The following MBNL1 variants were observed in gnomAD, a reference collection of about 807,000 sequenced individuals.
The protein encoded by MBNL1 is muscleblind-like protein 1.
A neutral mutation model predicts 42.2 loss-of-function variants in MBNL1; 8 were observed. The ratio of observed to expected loss-of-function variants is 0.19; its 90% CI spans 0.11 to 0.34. The LOEUF (loss-of-function observed/expected upper bound fraction) is 0.34, where lower values mean the gene tolerates loss of function less well. Among genes scored for constraint, MBNL1 ranks in the 10% least tolerant of loss-of-function variants. MBNL1 has a pLI of 1.00. For missense variants in MBNL1, 309 were observed against 495.3 expected (o/e 0.62, Z 3.57); for synonymous variants, 169 against 173.9 (o/e 0.97, Z 0.22).
chr3:152,394,039 A>G (rs1579411742), intron 2 of MBNL1, among the ~76,000 whole-genome samples: 1 of 152,176 alleles, frequency 6.6e-6, no homozygotes, highest in African/African-American at 2.4e-5. Flanking sequence ...CATTCAGTTC[A>G]TCCTACATGG....
chr3:152,423,994 A>G (rs1169806889), intron 3 of MBNL1, among the ~76,000 whole-genome samples: 2 of 152,194 alleles, frequency 1.3e-5, no homozygotes, highest in East Asian at 1.9e-4. Flanking sequence ...CAAGAGCTGG[A>G]AGTATTCCCT....
chr3:152,382,021 A>G (rs1052407094), intron 2 of MBNL1, among the ~76,000 whole-genome samples: 1 of 152,094 alleles, frequency 6.6e-6, no homozygotes, highest in Non-Finnish European at 1.5e-5. Flanking sequence ...TTTAGAAACA[A>G]ACTTAGTGTA....
chr3:152,399,267 CTTCTTCTTCCTTCATCA>C (rs1223365379), intron 2 of MBNL1, among the ~76,000 whole-genome samples: 1 of 151,964 alleles, frequency 6.6e-6, no homozygotes, highest in Non-Finnish European at 1.5e-5. Context: ...CTTGCCTTGC[CTTCTTCTTCCTTCATCA>C]TTCTTCTTCC....
At chr3:152,368,227 A>G (rs985965186) in intron 2 of MBNL1, among the ~76,000 whole-genome samples, 6 of 152,146 alleles carry the variant, frequency 3.9e-5, no homozygotes, top group African/African-American at 1.4e-4. Flanking sequence ...TTTTCTGCAT[A>G]TGGCTAGCCA....
chr3:152,246,413 A>G (rs2149350310), intron 2 of MBNL1, among the ~76,000 whole-genome samples: 1 of 152,168 alleles, frequency 6.6e-6, no homozygotes, highest in Non-Finnish European at 1.5e-5. Flanking sequence ...CTAGTTCTAG[A>G]TTATGGAAAA....
intron 2 of MBNL1, among the ~76,000 whole-genome samples, chr3:152,317,746 A>T (rs1009768090): frequency 6.6e-6 from 1 of 152,170 alleles, no homozygotes; most frequent in Non-Finnish European, 1.5e-5. Flanking sequence ...AAACCCACAA[A>T]CAAATGATTC....
chr3:152,351,418 ATGT>A (rs1294924291), intron 2 of MBNL1, among the ~76,000 whole-genome samples: 1 of 152,114 alleles, frequency 6.6e-6, no homozygotes, highest in African/African-American at 2.4e-5. Flanking sequence ...AGTTAACTAA[ATGT>A]TGTCTGCCTC....
chr3:152,412,367 T>C (rs1238101702), intron 2 of MBNL1, among the ~76,000 whole-genome samples: 1 of 152,178 alleles, frequency 6.6e-6, no homozygotes, highest in Non-Finnish European at 1.5e-5. Flanking sequence ...CCTGGAATGC[T>C]TGTTAAAATG....
intron 2 of MBNL1, among the ~76,000 whole-genome samples, chr3:152,390,309 T>C (rs2097654510): frequency 6.6e-6 from 1 of 151,912 alleles, no homozygotes; most frequent in South Asian, 2.1e-4. Context: ...CAAACGTATA[T>C]GTTATTTTAG....
At chr3:152,337,972 C>T (rs546026850) in intron 2 of MBNL1, 12 of 489,242 alleles carry the variant, frequency 2.5e-5, no homozygotes, top group East Asian at 3.1e-4. Context: ...TGCTGCCTTG[C>T]GGATCAGCAC....
chr3:152,418,802 C>A (rs764447779), intron 3 of MBNL1, among the ~76,000 whole-genome samples: 5 of 150,952 alleles, frequency 3.3e-5, no homozygotes, highest in Admixed American at 3.3e-4. Flanking sequence ...CTGCAAGCTC[C>A]GCCTCCCAAG....
At chr3:152,295,639 A>G (rs1473661440) in intron 1 of MBNL1, among the ~76,000 whole-genome samples, 2 of 152,236 alleles carry the variant, frequency 1.3e-5, no homozygotes, top group African/African-American at 4.8e-5. Flanking sequence ...ACGAAGAGCT[A>G]CAAAGTACCA....
rs1166953711 is a variant in MBNL1, at chr3:152,443,172, C to CT, written c.550-2109dup. The stretch of plus-strand genomic sequence containing the variant: ...AAATTATAATAAACCAATCCTTAAC[C>CT]TGTAGAAACCCCCCCCCCCACACAC... On this transcript the variant is annotated intron_variant, in intron 4 of 9. Transcript: ENST00000324210. 3.4e-4 allele frequency among the ~76,000 whole-genome samples: 20 copies of CT among 59,098 alleles called. No homozygotes were observed. The Admixed American group carries it at 6.0e-3, about 18-fold the overall frequency. 38.8% of individuals were successfully genotyped at this position (59,098 alleles called of 152,430 possible). A position where few individuals can be genotyped will look rare whatever the true frequency, so the allele number is the denominator to read the frequency against.
At chr3:152,430,314 G>C (rs2098989785) in intron 3 of MBNL1, among the ~76,000 whole-genome samples, 1 of 151,982 alleles carries the variant, frequency 6.6e-6, no homozygotes, top group Non-Finnish European at 1.5e-5. Flanking sequence ...AATTATAGTA[G>C]ATTATGTGCA....
intron 3 of MBNL1, among the ~76,000 whole-genome samples, chr3:152,431,057 G>A (rs1185814026): frequency 6.6e-6 from 1 of 152,194 alleles, no homozygotes; most frequent in Non-Finnish European, 1.5e-5. Flanking sequence ...AAAATGTATA[G>A]CTAAATGCAA....
chr3:152,383,995 T>A (rs1314291943), intron 2 of MBNL1, among the ~76,000 whole-genome samples: 1 of 152,156 alleles, frequency 6.6e-6, no homozygotes, highest in African/African-American at 2.4e-5. Flanking sequence ...TCAGGTTAAA[T>A]GAGAATTTGG....
At chr3:152,334,471 CA>C (rs2087955851) in intron 2 of MBNL1, among the ~76,000 whole-genome samples, 2 of 152,030 alleles carry the variant, frequency 1.3e-5, no homozygotes, top group South Asian at 4.1e-4. Context: ...GAAAGAAAAG[CA>C]AATAATCAAA....
intron 2 of MBNL1, among the ~76,000 whole-genome samples, chr3:152,362,785 C>T (rs1438221759): frequency 6.6e-6 from 1 of 151,836 alleles, no homozygotes; most frequent in African/African-American, 2.4e-5. Context: ...TAAAGTAAAA[C>T]AAAAAAAGTA....
intron 1 of MBNL1, among the ~76,000 whole-genome samples, chr3:152,275,462 G>A (rs2044427164): frequency 6.6e-6 from 1 of 152,102 alleles, no homozygotes; most frequent in South Asian, 2.1e-4. Flanking sequence ...TGTAATCCCA[G>A]CACTTTGGGA....
Sources: gnomAD v4.1 joint callset for allele counts (sites outside exome capture counted in the v4.1 genomes callset) on GRCh38, gnomAD v4.1.1 for gene constraint, MANE v1.5 for transcripts, NCBI Gene and HGNC (gene_info 2026-07-23, HGNC 2026-07-21) for gene names.